Variants in PRAP1 observed in about 807,000 individuals in gnomAD.
PRAP1 encodes proline rich acidic protein 1.
PRAP1 carries 12 observed loss-of-function variants against 14.6 expected under a neutral mutation model. The observed-to-expected ratio is 0.82, with a 90% confidence interval of 0.53 to 1.33. The LOEUF (loss-of-function observed/expected upper bound fraction) is 1.33. Ranked by LOEUF, PRAP1 falls within the 40% of genes most tolerant of loss-of-function variation. The probability of loss-of-function intolerance (pLI) is 0.00; values close to 1 mark genes in which losing one functional copy is unlikely to be tolerated. For missense variants in PRAP1, 160 were observed against 193.7 expected, an observed-to-expected ratio of 0.83 and a Z score of 1.03; for synonymous variants, 81 against 80.3, an observed-to-expected ratio of 1.01 and a Z score of -0.04.
intron 1 of PRAP1, among the ~76,000 whole-genome samples, chr10:133,349,137 A>G (rs1848633518): frequency 6.6e-6 from 1 of 150,816 alleles, no homozygotes; most frequent in South Asian, 2.1e-4. Flanking sequence ...CTCACACTCT[A>G]CACACCACAC....
rs1589868792 is a variant in PRAP1 at position 133,352,626 on chromosome 10, C to T, written c.*186C>T. 1 of 571,918 alleles carries T rather than the reference C, an allele frequency of 1.7e-6. No homozygotes were observed. The highest frequency in any genetic ancestry group is 2.9e-5 in the East Asian group (1 of 33,952). 35.4% of individuals were successfully genotyped at this position (571,918 alleles called of 1,614,324 possible). A position where few individuals can be genotyped will look rare whatever the true frequency, so the allele number is the denominator to read the frequency against. ...ATCACCTGAAATCAGGAGTTCCAGACCAGCCTGGGCAACATGGTGAAACCC... is the reference window on the plus strand; with the variant it reads ...ATCACCTGAAATCAGGAGTTCCAGATCAGCCTGGGCAACATGGTGAAACCC... On this transcript the variant is annotated 3_prime_UTR_variant, in exon 5 of 5. Transcript: ENST00000433452.
In PRAP1 at chr10:133,352,560, A is replaced by C; in HGVS notation, c.*120A>C. ...CCCAGCAGGCCGGGCGCGGTGGCTCACCTCTGTAATCCCAGCACTTTTAGA... is the reference window on the plus strand; with the variant it reads ...CCCAGCAGGCCGGGCGCGGTGGCTCCCCTCTGTAATCCCAGCACTTTTAGA... On this transcript the variant is annotated 3_prime_UTR_variant, in exon 5 of 5. Transcript: ENST00000433452. 5 of 829,586 alleles carry C rather than the reference A, an allele frequency of 6.0e-6. No homozygotes were observed. The highest frequency in any genetic ancestry group is 9.5e-6 in the Non-Finnish European group (5 of 527,208). The allele number at this position is 829,586 out of a possible 1,614,324, so 51.4% of individuals were successfully genotyped here.
In PRAP1 at chr10:133,347,885, G is replaced by T. The variant is rs1237441093; in HGVS notation, c.8+460G>T. Among the ~76,000 whole-genome samples the T allele has an allele frequency of 3.3e-5, 5 of 152,288 alleles. No homozygotes were observed. The South Asian group carries it at 6.2e-4, about 19-fold the overall frequency. ...CAGAGGCTGCCTTCCTTCTGTGGGG[G>T]TGTCTGTCTTCCCCCTCCTTGTGTG... On this transcript the variant is annotated intron_variant, in intron 1 of 4. Transcript: ENST00000433452. This position sits in a 1 kb window ranked among gnomAD's most constrained non-coding sequence, Gnocchi z 5.0.
Position 133,350,088 on chromosome 10 carries a change from C to T in PRAP1, c.9-7C>T, listed in dbSNP as rs199953928. On this transcript the variant is annotated splice_region_variant and splice_polypyrimidine_tract_variant and intron_variant, in intron 1 of 4. Transcript: ENST00000433452. ...ACCTCACACTTCCCTCTCTGGCCCC[C>T]CCTCAGGCTCCTCCTGGTCACCAGC... 57 of 1,613,050 alleles carry T rather than the reference C, an allele frequency of 3.5e-5. No individual in the cohort carries two copies. The highest frequency in any genetic ancestry group is 1.5e-4 in the Admixed American group (9 of 59,934).
chr10:133,347,443 G>A lies in PRAP1; in HGVS notation c.8+18G>A. 1.2e-6 allele frequency: 2 copies of A among 1,609,208 alleles called. No homozygotes were observed. The highest frequency in any genetic ancestry group is 1.3e-5 in the African/African-American group (1 of 74,922). On this transcript the variant is annotated intron_variant, in intron 1 of 4. Coordinates refer to ENST00000433452, the MANE Select transcript of PRAP1 (RefSeq NM_145202.5). This position sits in a 1 kb window ranked among gnomAD's most constrained non-coding sequence, Gnocchi z 5.0. ...ATGAGGAGGTAATGCCACCATCCCT[G>A]AGCCCCAATCCCCACCCCACCCAAA...
intron 1 of PRAP1, among the ~76,000 whole-genome samples, chr10:133,348,248 C>T (rs2133400011): frequency 6.6e-6 from 1 of 152,250 alleles, no homozygotes; most frequent in East Asian, 1.9e-4. Flanking sequence ...CAGACAAGAG[C>T]CCCTGCCCAG....
Position 133,352,232 on chromosome 10 carries a change from T to C in PRAP1, c.263-15T>C, listed in dbSNP as rs991015407. 1.2e-6 allele frequency: 2 copies of C among 1,612,164 alleles called. No homozygotes were observed. On this transcript the variant is annotated splice_polypyrimidine_tract_variant and intron_variant, in intron 4 of 4. Coordinates refer to ENST00000433452, the MANE Select transcript of PRAP1 (RefSeq NM_145202.5). Reference sequence around the variant, plus strand: ...GAAAGAAACTGAGACTATACCTTCATGTGCTTGTCCCTAGGCACCAAGGCC... The same window carrying C: ...GAAAGAAACTGAGACTATACCTTCACGTGCTTGTCCCTAGGCACCAAGGCC...
At chr10:133,349,238 C>G (rs868821247) in intron 1 of PRAP1, among the ~76,000 whole-genome samples, 2 of 151,476 alleles carry the variant, frequency 1.3e-5, no homozygotes, top group South Asian at 4.2e-4. Flanking sequence ...CATGCACACA[C>G]AGCACACACA....
chr10:133,347,611 G>A lies in PRAP1; in HGVS notation c.8+186G>A, dbSNP rs1848606286. Among the ~76,000 whole-genome samples, 2 of 152,214 alleles carry A rather than the reference G, an allele frequency of 1.3e-5. No homozygotes were observed. Among genetic ancestry groups the A allele is most frequent in the Admixed American group, 1.3e-4 (2 of 15,284 alleles). On this transcript the variant is annotated intron_variant, in intron 1 of 4. Coordinates refer to ENST00000433452, the MANE Select transcript of PRAP1 (RefSeq NM_145202.5). The surrounding 1 kb of genome is among the most constrained non-coding windows in gnomAD (Gnocchi z 5.0). ...TGCCACCAGGCTCTACCTCCTCTGT[G>A]GCCCCGAGTGCACTTGCCTCTTGGT... is the stretch of plus-strand genomic sequence containing the variant.
chr10:133,348,305 C>T (rs1316914429), intron 1 of PRAP1, among the ~76,000 whole-genome samples: 1 of 152,182 alleles, frequency 6.6e-6, no homozygotes, highest in Non-Finnish European at 1.5e-5. Context: ...GCCCCCGAAC[C>T]AGACCAGACC....
rs12772276 is a variant in PRAP1 at position 133,351,751 on chromosome 10, C to T, written c.129-256C>T. Reference sequence around the variant, plus strand: ...CTCAGTCTTGGATCCTGAGGTTCCCCACATCCTTGCCCTTGGGACACTGCT... The same window carrying T: ...CTCAGTCTTGGATCCTGAGGTTCCCTACATCCTTGCCCTTGGGACACTGCT... On this transcript the variant is annotated intron_variant, in intron 3 of 4. Coordinates refer to ENST00000433452, the MANE Select transcript of PRAP1 (RefSeq NM_145202.5). The surrounding 1 kb of genome is among the most constrained non-coding windows in gnomAD (Gnocchi z 4.3). Among the ~76,000 whole-genome samples, 12,778 of 152,272 alleles carry T rather than the reference C, an allele frequency of 0.084. 743 individuals are homozygous for T. The highest frequency in any genetic ancestry group is 0.15 in the Admixed American group (2,246 of 15,292).
Position 133,347,616 on chromosome 10 carries a change from C to T in PRAP1, c.8+191C>T, listed in dbSNP as rs1471621887. ...CCAGGCTCTACCTCCTCTGTGGCCC[C>T]GAGTGCACTTGCCTCTTGGTTCCCC... On this transcript the variant is annotated intron_variant, in intron 1 of 4. Transcript: ENST00000433452. This position sits in a 1 kb window ranked among gnomAD's most constrained non-coding sequence, Gnocchi z 5.0. Among the ~76,000 whole-genome samples the T allele has an allele frequency of 3.3e-5, 5 of 152,202 alleles. No homozygotes were observed. The highest frequency in any genetic ancestry group is 6.5e-5 in the Admixed American group (1 of 15,284).
At chr10:133,349,561 CCCTG>C (rs765117121) in intron 1 of PRAP1, among the ~76,000 whole-genome samples, 1 of 152,234 alleles carries the variant, frequency 6.6e-6, no homozygotes, top group African/African-American at 2.4e-5. Context: ...TGACCTGACA[CCCTG>C]CCTGCCTGCC....
Position 133,351,380 on chromosome 10 carries a change from G to C in PRAP1, c.76-1G>C. 1.2e-6 allele frequency: 2 copies of C among 1,611,476 alleles called. No homozygotes were observed. The highest frequency in any genetic ancestry group is 1.7e-6 in the Non-Finnish European group (2 of 1,178,952). On this transcript the variant is annotated splice_acceptor_variant, in intron 2 of 4. Transcript: ENST00000433452. LOFTEE classifies it high-confidence loss of function. This position sits in a 1 kb window ranked among gnomAD's most constrained non-coding sequence, Gnocchi z 4.3. Reference sequence around the variant, plus strand: ...AGCCCACACCTGTGACTCTCCCCCAGGTCCCTATCAAGATGCAAGTCAAAC... The same window carrying C: ...AGCCCACACCTGTGACTCTCCCCCACGTCCCTATCAAGATGCAAGTCAAAC...
intron 1 of PRAP1, among the ~76,000 whole-genome samples, chr10:133,349,086 C>T (rs1403630635): frequency 1.3e-5 from 2 of 151,290 alleles, no homozygotes; most frequent in African/African-American, 4.9e-5. Context: ...AAGTCTGCAC[C>T]ACATCACACA....
In PRAP1 at chr10:133,350,174, C is replaced by T. The variant is rs1848655635; in HGVS notation, c.75+13C>T. On this transcript the variant is annotated intron_variant, in intron 2 of 4. Transcript: ENST00000433452. ...CCCAGCACCCAAGGTAGGTGTGAGC[C>T]CCTCCCATCTGGGCAGCAACTCCAG... The T allele has an allele frequency of 6.2e-7, 1 of 1,611,272 alleles. No individual in the cohort carries two copies. The highest frequency in any genetic ancestry group is 8.5e-7 in the Non-Finnish European group (1 of 1,178,502).
chr10:133,350,620 C>T (rs1220359332), intron 2 of PRAP1: 1 of 164,944 alleles, frequency 6.1e-6, no homozygotes, highest in Non-Finnish European at 1.3e-5. Flanking sequence ...ACTCCATGTG[C>T]TAGTGGCTCA....
At chr10:133,350,060 C>A in intron 1 of PRAP1, 35 bp from the exon 2 acceptor site, 1 of 1,550,456 alleles carries the variant, frequency 6.4e-7, no homozygotes, top group Non-Finnish European at 8.8e-7. Context: ...GTCCCCTTCC[C>A]CTACCTCACA....
rs1306101347 is a variant in PRAP1 at position 133,347,959 on chromosome 10, C to G, written c.8+534C>G. On this transcript the variant is annotated intron_variant, in intron 1 of 4. Coordinates refer to ENST00000433452, the MANE Select transcript of PRAP1 (RefSeq NM_145202.5). This position sits in a 1 kb window ranked among gnomAD's most constrained non-coding sequence, Gnocchi z 5.0. Reference sequence around the variant, plus strand: ...TGGAGGTGCCCTCCTCCTCTTCCCCCTCCTCTAAGCCAGGGCCCTCCCTGC... The same window carrying G: ...TGGAGGTGCCCTCCTCCTCTTCCCCGTCCTCTAAGCCAGGGCCCTCCCTGC... Among the ~76,000 whole-genome samples the G allele has an allele frequency of 1.3e-5, 2 of 152,168 alleles. No individual in the cohort carries two copies. The highest frequency in any genetic ancestry group is 4.8e-5 in the African/African-American group (2 of 41,444).
Sources: allele counts gnomAD v4.1 joint callset (sites outside exome capture counted in the v4.1 genomes callset), GRCh38; gene constraint gnomAD v4.1.1; non-coding constraint Gnocchi (gnomAD v3.1); transcripts MANE v1.5; gene names NCBI Gene and HGNC (gene_info 2026-07-23, HGNC 2026-07-21).